ZMPSTE24: variants seen among roughly 807,000 people sequenced by gnomAD.
ZMPSTE24 encodes zinc metallopeptidase STE24.
A neutral mutation model predicts 56.7 loss-of-function variants in ZMPSTE24; 48 were observed. That is an observed-to-expected ratio of 0.85 (90% CI 0.67 to 1.08). The LOEUF is 1.08. Among genes scored for constraint, ZMPSTE24 ranks in the 50% least tolerant of loss-of-function variants. The pLI is 0.00. For synonymous variants in ZMPSTE24, 172 were observed against 195.2 expected (o/e 0.88, Z 0.99); for missense variants, 503 against 548.7 (o/e 0.92, Z 0.83).
chr1:40,281,598 A>G, intron 7 of ZMPSTE24, 71 bp downstream of exon 7: 2 of 1,481,544 alleles, frequency 1.3e-6, no homozygotes, highest in Non-Finnish European at 1.9e-6. Context: ...TCAAAATAAC[A>G]TCAATTTCTA....
chr1:40,262,374 A>T (rs980710192), intron 2 of ZMPSTE24, among the ~76,000 whole-genome samples: 3 of 152,222 alleles, frequency 2.0e-5, no homozygotes, highest in Non-Finnish European at 4.4e-5. Flanking sequence ...GGCTTTGGGG[A>T]TACACAGCTA....
At chr1:40,273,537 A>AAAAAAAAAAATATATATAT (rs1224234676) in intron 6 of ZMPSTE24, among the ~76,000 whole-genome samples, 1 of 12,386 alleles carries the variant, frequency 8.1e-5, no homozygotes, top group Non-Finnish European at 2.0e-4. Context: ...AAAAAAAAAA[A>AAAAAAAAAAATATATATAT]ATATATATAT....
intron 8 of ZMPSTE24, among the ~76,000 whole-genome samples, chr1:40,286,447 G>T (rs915303121): frequency 5.9e-5 from 9 of 152,088 alleles, no homozygotes; most frequent in African/African-American, 2.2e-4. Context: ...TTGAGACAGA[G>T]TCTCGCTCTG....
At chr1:40,262,967 C>T in intron 2 of ZMPSTE24, 1 of 1,011,526 alleles carries the variant, frequency 9.9e-7, no homozygotes, top group Non-Finnish European at 1.2e-6. Context: ...TTAATAATGA[C>T]AAGGCAATTA....
chr1:40,277,197 T>C (rs1028841981), intron 6 of ZMPSTE24, among the ~76,000 whole-genome samples: 2 of 151,646 alleles, frequency 1.3e-5, no homozygotes, highest in African/African-American at 4.9e-5. Context: ...ACCATTCTCC[T>C]GCCTCAGCCT....
intron 7 of ZMPSTE24, among the ~76,000 whole-genome samples, chr1:40,282,764 A>T (rs1183863583): frequency 6.6e-6 from 1 of 152,144 alleles, no homozygotes; most frequent in Non-Finnish European, 1.5e-5. Context: ...GCATCACAGG[A>T]TGTTTAGCAG....
At chr1:40,283,441 G>T (rs1286697691) in intron 7 of ZMPSTE24, among the ~76,000 whole-genome samples, 2 of 151,948 alleles carry the variant, frequency 1.3e-5, no homozygotes, top group African/African-American at 4.8e-5. Flanking sequence ...GGAGGTGGAG[G>T]TTACAGTGAA....
chr1:40,293,303 GAT>G lies in ZMPSTE24; in HGVS notation c.*637_*638del, dbSNP rs1359028418. 6.6e-6 allele frequency: 1 copy of G among 152,154 alleles called. No homozygotes were observed. Among genetic ancestry groups the G allele is most frequent in the African/African-American group, 2.4e-5 (1 of 41,442 alleles). The allele number at this position is 152,154 out of a possible 1,614,324, so 9.4% of individuals were successfully genotyped here. On this transcript the variant is annotated 3_prime_UTR_variant, in exon 10 of 10. Transcript: ENST00000372759. Reference sequence around the variant, plus strand: ...CTTTGAAGTTAGAAATTATGTATAGGATATTTTAAATCATTGAGTTTTGTGGG... The same window carrying G: ...CTTTGAAGTTAGAAATTATGTATAGGATTTTAAATCATTGAGTTTTGTGGG...
At chr1:40,275,389 G>A (rs1280962015) in intron 6 of ZMPSTE24, among the ~76,000 whole-genome samples, 7 of 151,828 alleles carry the variant, frequency 4.6e-5, no homozygotes, top group African/African-American at 1.7e-4. Context: ...AGTCAAGATC[G>A]TGCCACTGCA....
chr1:40,269,884 T>G (rs1643596192), intron 4 of ZMPSTE24, 91 bp from the exon 5 acceptor site: 8 of 1,480,436 alleles, frequency 5.4e-6, no homozygotes, highest in Non-Finnish European at 7.3e-6. Context: ...AAAAATTGCT[T>G]TAATAATGTA....
intron 6 of ZMPSTE24, among the ~76,000 whole-genome samples, chr1:40,278,872 G>C (rs1398173601): frequency 6.6e-6 from 1 of 152,222 alleles, no homozygotes; most frequent in Non-Finnish European, 1.5e-5. Context: ...GTATGGGCCA[G>C]CTGTGGTGAT....
intron 8 of ZMPSTE24, 54 bp downstream of exon 8, chr1:40,286,083 A>T: frequency 6.7e-7 from 1 of 1,486,694 alleles, no homozygotes; most frequent in African/African-American, 1.4e-5. Context: ...AATTAGAACT[A>T]TGGCAGGCAT....
chr1:40,291,954 C>T (rs1235384957), intron 9 of ZMPSTE24, among the ~76,000 whole-genome samples: 8 of 151,680 alleles, frequency 5.3e-5, no homozygotes, highest in Admixed American at 5.3e-4. Flanking sequence ...AATTCTCCTG[C>T]CTCAGCCTCC....
At chr1:40,287,389 A>G (rs1323615419) in intron 8 of ZMPSTE24, among the ~76,000 whole-genome samples, 1 of 152,092 alleles carries the variant, frequency 6.6e-6, no homozygotes, top group African/African-American at 2.4e-5. Context: ...TTTTCATTTA[A>G]AAGTTATTGC....
intron 6 of ZMPSTE24, among the ~76,000 whole-genome samples, chr1:40,278,584 A>AAAAAAAAAAAAAAT (rs1643695672): frequency 6.7e-6 from 1 of 150,198 alleles, no homozygotes; most frequent in Non-Finnish European, 1.5e-5. Flanking sequence ...AAAAAAAAAA[A>AAAAAAAAAAAAAAT]AAGAATATCT....
At chr1:40,281,203 A>G in intron 6 of ZMPSTE24, 140 bp from the exon 7 acceptor site, 1 of 853,592 alleles carries the variant, frequency 1.2e-6, no homozygotes, top group Non-Finnish European at 1.9e-6. Context: ...GTGGTGAATT[A>G]TGTTGATATG....
At chr1:40,268,791 C>G (rs528524640) in intron 4 of ZMPSTE24, among the ~76,000 whole-genome samples, 2 of 152,074 alleles carry the variant, frequency 1.3e-5, no homozygotes, top group East Asian at 3.9e-4. Context: ...AAAAAAAATA[C>G]TTAAGGCCAG....
intron 6 of ZMPSTE24, among the ~76,000 whole-genome samples, chr1:40,278,795 A>G (rs993635934): frequency 3.9e-5 from 6 of 152,168 alleles, no homozygotes; most frequent in African/African-American, 1.4e-4. Context: ...AAATCAAAGA[A>G]GTGCATAAAG....
chr1:40,259,444 G>A (rs1643473310), intron 1 of ZMPSTE24: 1 of 152,134 alleles, frequency 6.6e-6, no homozygotes, highest in Admixed American at 6.6e-5. Context: ...AAGGGGAAGA[G>A]TGTGTCTGTG....
Sources: allele counts gnomAD v4.1 joint callset (sites outside exome capture counted in the v4.1 genomes callset), GRCh38; gene constraint gnomAD v4.1.1; transcripts MANE v1.5; gene names NCBI Gene and HGNC (gene_info 2026-07-23, HGNC 2026-07-21).